NKAP: variants seen among roughly 807,000 people sequenced by gnomAD.
The protein encoded by NKAP is NF-kappa-B-activating protein.
Under a neutral mutation model 35.6 loss-of-function variants are expected in NKAP, and 4 were observed. The observed-to-expected ratio is 0.11, with a 90% CI of 0.06 to 0.26. The LOEUF (loss-of-function observed/expected upper bound fraction) is 0.26, where lower values mean the gene tolerates loss of function less well. Among genes scored for constraint, NKAP ranks in the 10% least tolerant of loss-of-function variants. The pLI, the probability that NKAP is intolerant of heterozygous loss-of-function variation, is 1.00. For synonymous variants in NKAP, 106 were observed against 119.2 expected, an observed-to-expected ratio of 0.89 and a Z score of 0.72; for missense variants, 238 against 321.9, an observed-to-expected ratio of 0.74 and a Z score of 1.99.
chrX:119,929,343 TAA>T (rs1452788220), intron 8 of NKAP, among the ~76,000 whole-genome samples: 1 of 111,887 alleles, frequency 8.9e-6, no homozygotes, highest in Non-Finnish European at 1.9e-5. Context: ...CAGTGTCATT[TAA>T]AAATAGTTAT....
intron 1 of NKAP, among the ~76,000 whole-genome samples, chrX:119,942,016 G>A (rs2056795823): frequency 8.9e-6 from 1 of 112,085 alleles, no homozygotes; most frequent in Non-Finnish European, 1.9e-5. Flanking sequence ...TAAATTATGT[G>A]TCAGGCACTG....
Position 119,943,619 on chromosome X carries a change from C to T in NKAP, c.-14G>A. On this transcript the variant is annotated 5_prime_UTR_variant, in exon 1 of 9. Transcript: ENST00000371410. ...CACCGGAGCCATGGCTACTGGGGGG[C>T]CCCAGCAGCCGTGGGACAAGGGGGC... 2 of 1,157,148 alleles carry T rather than the reference C, an allele frequency of 1.7e-6. No individual in the cohort carries two copies. Among genetic ancestry groups the T allele is most frequent in the Non-Finnish European group, 2.3e-6 (2 of 869,376 alleles).
At chrX:119,936,732 G>A (rs1466181864) in intron 2 of NKAP, 50 bp from the exon 3 acceptor site, 1 of 956,880 alleles carries the variant, frequency 1.0e-6, no homozygotes, top group Admixed American at 2.6e-5. Context: ...ATGAGATATG[G>A]ACCATGGAGT....
chrX:119,922,827 G>T lies in NKAP; in HGVS notation c.*2393C>A, dbSNP rs1394717667. The T allele has an allele frequency of 2.7e-5, 3 of 111,805 alleles. No homozygotes were observed. Among genetic ancestry groups the T allele is most frequent in the African/African-American group, 9.7e-5 (3 of 30,832 alleles). The allele number at this position is 111,805 out of a possible 1,213,427, so 9.2% of individuals were successfully genotyped here. ...CCACTTAAAAATATAAGGCAAGCGGGCATTTTACAATAGTATAATCAGAAT... is the reference window on the plus strand; with the variant it reads ...CCACTTAAAAATATAAGGCAAGCGGTCATTTTACAATAGTATAATCAGAAT... On this transcript the variant is annotated 3_prime_UTR_variant, in exon 9 of 9. Coordinates refer to ENST00000371410, the MANE Select transcript of NKAP (RefSeq NM_024528.4).
intron 7 of NKAP, among the ~76,000 whole-genome samples, chrX:119,931,661 C>T (rs947773242): frequency 9.0e-6 from 1 of 110,852 alleles, no homozygotes; most frequent in Non-Finnish European, 1.9e-5. Flanking sequence ...AAAAGGGCTT[C>T]GAAGGATAGT....
intron 1 of NKAP, among the ~76,000 whole-genome samples, chrX:119,939,602 G>C (rs1166503102): frequency 9.0e-6 from 1 of 110,930 alleles, no homozygotes; most frequent in Non-Finnish European, 1.9e-5. Context: ...TTTTTTTGTA[G>C]AGATGAGGTC....
chrX:119,941,434 T>G (rs2056792590), intron 1 of NKAP, among the ~76,000 whole-genome samples: 1 of 99,807 alleles, frequency 1.0e-5, no homozygotes, highest in Admixed American at 1.0e-4. Flanking sequence ...CCCTAGTACT[T>G]ATTTTATCCC....
In NKAP at chrX:119,931,998, T is replaced by C. The variant is rs775706449; in HGVS notation, c.861A>G (p.Pro287=). Residue 287 remains proline, a synonymous_variant, in exon 7 of 9, where the codon CCA becomes CCG. Coordinates refer to ENST00000371410, the MANE Select transcript of NKAP (RefSeq NM_024528.4). ...PWKDRTKAEE[P]SDLIGPEAPK... Reference sequence around the variant, plus strand: ...GAGCCTCTGGGCCAATTAAATCTGATGGTTCTTCAGCCTCTGCATGAAAGA... The same window carrying C: ...GAGCCTCTGGGCCAATTAAATCTGACGGTTCTTCAGCCTCTGCATGAAAGA... 5.8e-6 allele frequency: 7 copies of C among 1,206,291 alleles called. No homozygotes were observed. The highest frequency in any genetic ancestry group is 4.6e-4 in the Middle Eastern group (2 of 4,360).
At position 119,943,656 on chromosome X, in the gene NKAP, C is replaced by T. The variant is rs1429228335; in HGVS notation, c.-51G>A. On this transcript the variant is annotated 5_prime_UTR_variant, in exon 1 of 9. Coordinates refer to ENST00000371410, the MANE Select transcript of NKAP (RefSeq NM_024528.4). ...TGGGACAAGGGGGCGCTCTCGCGAGCCTAGGAAGATGTCTGTTGCCTTGGT... is the reference window on the plus strand; with the variant it reads ...TGGGACAAGGGGGCGCTCTCGCGAGTCTAGGAAGATGTCTGTTGCCTTGGT... 2 of 1,124,777 alleles carry T rather than the reference C, an allele frequency of 1.8e-6. No homozygotes were observed. Among genetic ancestry groups the T allele is most frequent in the African/African-American group, 1.8e-5 (1 of 55,112 alleles). The allele number at this position is 1,124,777 out of a possible 1,213,427, so 92.7% of individuals were successfully genotyped here. A position where few individuals can be genotyped will look rare whatever the true frequency, so the allele number is the denominator to read the frequency against.
intron 1 of NKAP, among the ~76,000 whole-genome samples, chrX:119,941,612 TTCTC>T (rs201092487): frequency 9.0e-6 from 1 of 110,929 alleles, no homozygotes; most frequent in Admixed American, 9.7e-5. Context: ...CTTCCTGTTC[TTCTC>T]TTTGTTTTTT....
chrX:119,934,827 C>T (rs976876957), intron 4 of NKAP, among the ~76,000 whole-genome samples: 2 of 110,600 alleles, frequency 1.8e-5, no homozygotes, highest in African/African-American at 6.6e-5. Flanking sequence ...CCTCTTTTTA[C>T]GGGATGCATA....
intron 4 of NKAP, among the ~76,000 whole-genome samples, chrX:119,935,019 TAAAAAG>T (rs892342738): frequency 1.8e-5 from 2 of 111,636 alleles, no homozygotes; most frequent in Non-Finnish European, 3.8e-5. Context: ...ATTTTTGTGA[TAAAAAG>T]GGAAAGAAAA....
At chrX:119,928,104 ATGGACTCTTAATGTCT>A (rs2056723784) in intron 8 of NKAP, among the ~76,000 whole-genome samples, 2 of 112,430 alleles carry the variant, frequency 1.8e-5, no homozygotes, top group African/African-American at 6.4e-5. Flanking sequence ...TATTGAAGAT[ATGGACTCTTAATGTCT>A]TACATTTTTC....
chrX:119,943,620 C>T lies in NKAP; in HGVS notation c.-15G>A, dbSNP rs1307594654. The T allele has an allele frequency of 6.0e-6, 7 of 1,157,961 alleles. No individual in the cohort carries two copies. Among genetic ancestry groups the T allele is most frequent in the Non-Finnish European group, 8.0e-6 (7 of 869,730 alleles). On this transcript the variant is annotated 5_prime_UTR_variant, in exon 1 of 9. Transcript: ENST00000371410. ...ACCGGAGCCATGGCTACTGGGGGGCCCCAGCAGCCGTGGGACAAGGGGGCG... is the reference window on the plus strand; with the variant it reads ...ACCGGAGCCATGGCTACTGGGGGGCTCCAGCAGCCGTGGGACAAGGGGGCG...
At chrX:119,938,687 C>T (rs750668622) in intron 2 of NKAP, 43 bp downstream of exon 2, 7 of 898,624 alleles carry the variant, frequency 7.8e-6, no homozygotes, top group African/African-American at 6.0e-5. Flanking sequence ...AGGATTTAAA[C>T]ACATATTATA....
chrX:119,943,108 G>GC, intron 1 of NKAP, 112 bp downstream of exon 1: 1 of 972,515 alleles, frequency 1.0e-6, no homozygotes, highest in Non-Finnish European at 1.4e-6. Context: ...GAAAATGGGC[G>GC]CAAGGCAAGC....
rs1304810833 is a variant in NKAP, at chrX:119,943,287, G to A, written c.319C>T (p.Pro107Ser). 2.5e-6 allele frequency: 3 copies of A among 1,209,647 alleles called. No individual in the cohort carries two copies. Among genetic ancestry groups the A allele is most frequent in the Non-Finnish European group, 3.4e-6 (3 of 894,848 alleles). Reference sequence around the variant, plus strand: ...GGCCAAGGCTTGTCGCTCCCGTAGGGGCGCGAGTAGCTGCCGTAATAGACT... The same window carrying A: ...GGCCAAGGCTTGTCGCTCCCGTAGGAGCGCGAGTAGCTGCCGTAATAGACT... ...SSVYYGSYSR[P>S]YGSDKPWPSL... is the part of the protein sequence containing the mutation. The change falls in exon 1 of 9, where the codon CCC (proline) becomes TCC (serine). Residue 107 changes from proline to serine, a missense_variant. By Grantham distance (74) the Pro-to-Ser change is moderately conservative. Transcript: ENST00000371410.
In NKAP at chrX:119,928,634, G is replaced by A. The variant is rs184227952; in HGVS notation, c.1073+1382C>T. On this transcript the variant is annotated intron_variant, in intron 8 of 8. Transcript: ENST00000371410. ...GCTGGAGTGCAATGGCACGATCTTGGCTCACTGTAACCTCCTCCTGGATTC... is the reference window on the plus strand; with the variant it reads ...GCTGGAGTGCAATGGCACGATCTTGACTCACTGTAACCTCCTCCTGGATTC... Among the ~76,000 whole-genome samples the A allele has an allele frequency of 1.8e-3, 206 of 111,777 alleles. 1 individual carries two copies. Among genetic ancestry groups the A allele is most frequent in the African/African-American group, 6.4e-3 (197 of 30,785 alleles).
chrX:119,925,177 C>CT lies in NKAP; in HGVS notation c.*42dup. The CT allele has an allele frequency of 8.5e-7, 1 of 1,181,086 alleles. No individual in the cohort carries two copies. The highest frequency in any genetic ancestry group is 1.9e-5 in the South Asian group (1 of 53,714). On this transcript the variant is annotated 3_prime_UTR_variant, in exon 9 of 9. Transcript: ENST00000371410. ...TATGTATGTGTGGAACCCAGACTTT[C>CT]TTTTTTGTTGTTAAAAATGTCTTCT...
Sources: gnomAD v4.1 joint callset for allele counts (sites outside exome capture counted in the v4.1 genomes callset) on GRCh38, gnomAD v4.1.1 for gene constraint, MANE v1.5 for transcripts, NCBI Gene and HGNC (gene_info 2026-07-23, HGNC 2026-07-21) for gene names.